The following OTOF variants were observed in gnomAD, a reference collection of about 807,000 sequenced individuals.
OTOF encodes fer-1-like family member 2.
A neutral mutation model predicts 236.8 loss-of-function variants in OTOF; 218 were observed. The observed-to-expected ratio is 0.92, with a 90% confidence interval of 0.82 to 1.03. The LOEUF is 1.03. Among genes scored for constraint, OTOF ranks in the 50% least tolerant of loss-of-function variants. OTOF has a pLI of 0.00. For synonymous variants in OTOF, 1,041 were observed against 1,072.5 expected (o/e 0.97, Z 0.57); for missense variants, 2,590 against 2,694.4 (o/e 0.96, Z 0.86).
chr2:26,558,230 C>T (rs556173469), intron 1 of OTOF, among the ~76,000 whole-genome samples: 2 of 152,066 alleles, frequency 1.3e-5, no homozygotes. Flanking sequence ...GCAGAGGGCT[C>T]TGTGCCCTGC....
intron 2 of OTOF, among the ~76,000 whole-genome samples, chr2:26,535,820 C>G (rs978265527): frequency 6.6e-6 from 1 of 152,248 alleles, no homozygotes; most frequent in Non-Finnish European, 1.5e-5. Context: ...GACTCTCCCC[C>G]TGAGGCAGGC....
At chr2:26,523,586 G>A (rs923152874) in intron 3 of OTOF, among the ~76,000 whole-genome samples, 1 of 152,142 alleles carries the variant, frequency 6.6e-6, no homozygotes, top group Non-Finnish European at 1.5e-5. Flanking sequence ...AGTGCCCTGA[G>A]TCCTTCAGAG....
chr2:26,542,065 C>G (rs906999028), intron 1 of OTOF, among the ~76,000 whole-genome samples: 9 of 152,210 alleles, frequency 5.9e-5, no homozygotes, highest in African/African-American at 2.2e-4. Flanking sequence ...TAAAAATACC[C>G]ACACGACAGA....
chr2:26,510,982 C>T (rs1318035240), intron 5 of OTOF, among the ~76,000 whole-genome samples: 1 of 152,240 alleles, frequency 6.6e-6, no homozygotes, highest in African/African-American at 2.4e-5. Context: ...CAGTGCTGGG[C>T]CTGGGTGGCC....
At chr2:26,541,111 G>C (rs1009247384) in intron 1 of OTOF, among the ~76,000 whole-genome samples, 12 of 152,188 alleles carry the variant, frequency 7.9e-5, no homozygotes, top group African/African-American at 2.7e-4. Flanking sequence ...CTCGGATATA[G>C]CTGTCCTCCG....
intron 46 of OTOF, among the ~76,000 whole-genome samples, chr2:26,458,895 C>T (rs564878328): frequency 1.3e-5 from 2 of 152,242 alleles, no homozygotes; most frequent in African/African-American, 4.8e-5. Context: ...GACACAGAGC[C>T]GGGGCTTGGG....
intron 1 of OTOF, among the ~76,000 whole-genome samples, chr2:26,544,912 G>C (rs1000731051): frequency 6.6e-6 from 1 of 151,736 alleles, no homozygotes; most frequent in Non-Finnish European, 1.5e-5. Context: ...GTGGTGGTGC[G>C]AACCTGTAGT....
At position 26,484,634 on chromosome 2, in the gene OTOF, C is replaced by T. The variant is rs1665657229; in HGVS notation, c.1046-1G>A. 2 of 1,613,736 alleles carry T rather than the reference C, an allele frequency of 1.2e-6. No homozygotes were observed. The highest frequency in any genetic ancestry group is 1.7e-6 in the Non-Finnish European group (2 of 1,179,996). ...GCCCACTTGTGATGGAACTGGTGCT[C>T]TGCAATGATGAGGGGTGGGCACTGC... On this transcript the variant is annotated splice_acceptor_variant, in intron 11 of 46. Coordinates refer to ENST00000272371, the MANE Select transcript of OTOF (RefSeq NM_194248.3). LOFTEE classifies it high-confidence loss of function.
chr2:26,530,669 C>T (rs1233795089), intron 2 of OTOF, among the ~76,000 whole-genome samples: 1 of 152,156 alleles, frequency 6.6e-6, no homozygotes, highest in African/African-American at 2.4e-5. Context: ...CATTCGTCTG[C>T]TTTCTTCTCC....
rs1664463209 is a variant in OTOF at position 26,461,576 on chromosome 2, T to C, written c.5533+120A>G. ...CCCCGTCGGACACCCCTGGCTCTGATGGACTGGAAGCAATGACCCCTTGTC... is the reference window on the plus strand; with the variant it reads ...CCCCGTCGGACACCCCTGGCTCTGACGGACTGGAAGCAATGACCCCTTGTC... On this transcript the variant is annotated intron_variant, in intron 43 of 46. Transcript: ENST00000272371. The surrounding 1 kb of genome is among the most constrained non-coding windows in gnomAD (Gnocchi z 6.2). The C allele has an allele frequency of 7.2e-7, 1 of 1,398,022 alleles. No individual in the cohort carries two copies. The highest frequency in any genetic ancestry group is 9.9e-7 in the Non-Finnish European group (1 of 1,009,556). 86.6% of individuals were successfully genotyped at this position (1,398,022 alleles called of 1,614,324 possible). A position where few individuals can be genotyped will look rare whatever the true frequency, so the allele number is the denominator to read the frequency against.
intron 36 of OTOF, chr2:26,466,296 T>C (rs1664723064): frequency 4.9e-6 from 3 of 606,506 alleles, no homozygotes; most frequent in African/African-American, 3.7e-5. Flanking sequence ...ATGATCTCCC[T>C]GGTGCCTCCC....
At position 26,480,293 on chromosome 2, in the gene OTOF, C is replaced by T. The variant is rs1325517022; in HGVS notation, c.1822G>A (p.Glu608Lys). Residue 608 changes from glutamate (E) to lysine (K), a missense_variant, in exon 16 of 47, where the codon GAA becomes AAA. Coordinates refer to ENST00000272371, the MANE Select transcript of OTOF (RefSeq NM_194248.3). The part of the protein sequence containing the change: ...PISESCAGKM[E>K]EFFLFGAFLE... ...AAGGCTCCAAAGAGAAAGAATTCTT[C>T]CATTTTACCTGCACAGCTCTGTGGG... 6 of 1,608,148 alleles carry T rather than the reference C, an allele frequency of 3.7e-6. No individual in the cohort carries two copies. The South Asian group carries it at 5.5e-5, about 15-fold the overall frequency.
chr2:26,490,763 C>T (rs1394087862), intron 9 of OTOF, among the ~76,000 whole-genome samples: 3 of 152,140 alleles, frequency 2.0e-5, no homozygotes, highest in Non-Finnish European at 4.4e-5. Context: ...CCAGGGCTGT[C>T]GTGCTGAACT....
Position 26,460,536 on chromosome 2 carries a change from G to T in OTOF, c.5813+111C>A. ...CAGAGGGCAGGGAGGAGGCTCCCCT[G>T]TAATGAGGCTGTGGCCCAGGAAGAG... On this transcript the variant is annotated intron_variant, in intron 45 of 46. Coordinates refer to ENST00000272371, the MANE Select transcript of OTOF (RefSeq NM_194248.3). This position sits in a 1 kb window ranked among gnomAD's most constrained non-coding sequence, Gnocchi z 5.3. The T allele has an allele frequency of 1.1e-6, 1 of 886,956 alleles. No homozygotes were observed. Among genetic ancestry groups the T allele is most frequent in the Non-Finnish European group, 1.8e-6 (1 of 542,744 alleles). 54.9% of individuals were successfully genotyped at this position (886,956 alleles called of 1,614,324 possible).
intron 3 of OTOF, 87 bp downstream of exon 3, chr2:26,527,740 CTTTTT>C: frequency 1.0e-6 from 1 of 959,092 alleles, no homozygotes; most frequent in Non-Finnish European, 1.7e-6. Context: ...TGTAGGTCCC[CTTTTT>C]AAGCCCCAAA....
intron 9 of OTOF, among the ~76,000 whole-genome samples, 190 bp downstream of exon 9, chr2:26,494,752 G>T (rs1307599418): frequency 6.6e-6 from 1 of 152,042 alleles, no homozygotes; most frequent in Non-Finnish European, 1.5e-5. Context: ...GCTCTAGACT[G>T]GGGGGTTCAG....
chr2:26,548,164 T>C (rs1413464294), intron 1 of OTOF, among the ~76,000 whole-genome samples: 3 of 152,256 alleles, frequency 2.0e-5, no homozygotes, highest in Non-Finnish European at 4.4e-5. Context: ...TCTTGCTTTT[T>C]ATTTTTGATA....
chr2:26,511,239 C>T (rs1666381346), intron 5 of OTOF, among the ~76,000 whole-genome samples: 1 of 152,184 alleles, frequency 6.6e-6, no homozygotes, highest in South Asian at 2.1e-4. Flanking sequence ...GTGGGCTAAG[C>T]CTGCTCTGTG....
chr2:26,521,988 G>A (rs12621611), intron 3 of OTOF, among the ~76,000 whole-genome samples: 27,067 of 152,170 alleles, frequency 0.18, 2,860 homozygotes, highest in African/African-American at 0.3. Context: ...AGCCTACACA[G>A]GGCGAGTCTC....
Sources: gnomAD v4.1 joint callset for allele counts (sites outside exome capture counted in the v4.1 genomes callset) on GRCh38, gnomAD v4.1.1 for gene constraint, Gnocchi (gnomAD v3.1) non-coding constraint, MANE v1.5 for transcripts, NCBI Gene and HGNC (gene_info 2026-07-23, HGNC 2026-07-21) for gene names.